Variants in MYT1L observed in about 807,000 individuals in gnomAD.
The protein encoded by MYT1L is myelin transcription factor 1-like protein.
Under a neutral mutation model 126.7 loss-of-function variants are expected in MYT1L, and 12 were observed. The ratio of observed to expected loss-of-function variants is 0.09; its 90% CI spans 0.06 to 0.15. The LOEUF is 0.15. MYT1L is among the 10% of genes least tolerant of loss of function. The pLI is 1.00. For synonymous variants in MYT1L, 541 were observed against 604.2 expected (o/e 0.90, Z 1.53); for missense variants, 979 against 1,585.2 (o/e 0.62, Z 6.49).
rs947204563 is a variant in MYT1L, at chr2:2,013,862, G to A, written c.-157-16515C>T. ...CACATGCTGCTGCACGGAGGCCTGC[G>A]TCCGCACCCGGGCAGTTTGGTTTAA... On this transcript the variant is annotated intron_variant, in intron 4 of 24. Coordinates refer to ENST00000647738, the MANE Select transcript of MYT1L (RefSeq NM_001303052.2). Among the ~76,000 whole-genome samples, 5 of 152,344 alleles carry A rather than the reference G, an allele frequency of 3.3e-5. No homozygotes were observed. The South Asian group carries it at 6.2e-4, about 19-fold the overall frequency.
At position 1,889,961 on chromosome 2, in the gene MYT1L, C is replaced by T. The variant is rs558321845; in HGVS notation, c.2284-484G>A. ...ACACACATATATCAGCTTAAAAATTCTCTTTTTTATTGATGCTAATAGTTC... is the reference window on the plus strand; with the variant it reads ...ACACACATATATCAGCTTAAAAATTTTCTTTTTTATTGATGCTAATAGTTC... On this transcript the variant is annotated intron_variant, in intron 15 of 24. Coordinates refer to ENST00000647738, the MANE Select transcript of MYT1L (RefSeq NM_001303052.2). This position sits in a 1 kb window ranked among gnomAD's most constrained non-coding sequence, Gnocchi z 4.1. 1.3e-5 allele frequency among the ~76,000 whole-genome samples: 2 copies of T among 151,966 alleles called. No individual in the cohort carries two copies. The highest frequency in any genetic ancestry group is 1.9e-4 in the East Asian group (1 of 5,188).
chr2:1,923,473 CTTG>C (rs1249046887), intron 9 of MYT1L, among the ~76,000 whole-genome samples: 1 of 152,180 alleles, frequency 6.6e-6, no homozygotes, highest in African/African-American at 2.4e-5. Flanking sequence ...ATTTAAAATA[CTTG>C]TTGTGAATTA....
intron 16 of MYT1L, among the ~76,000 whole-genome samples, chr2:1,888,023 C>G (rs1012305467): frequency 1.3e-5 from 2 of 152,210 alleles, no homozygotes; most frequent in African/African-American, 4.8e-5. Flanking sequence ...AGCTTTCCCC[C>G]ACCATTGGTC....
intron 1 of MYT1L, among the ~76,000 whole-genome samples, chr2:2,328,205 T>G (rs1269878662): frequency 1.3e-5 from 2 of 152,208 alleles, no homozygotes; most frequent in African/African-American, 4.8e-5. Context: ...AATCACTTAT[T>G]TCTTTTCCCT....
At chr2:2,267,411 G>A (rs1323350355) in intron 2 of MYT1L, among the ~76,000 whole-genome samples, 4 of 152,172 alleles carry the variant, frequency 2.6e-5, no homozygotes, top group African/African-American at 9.7e-5. Context: ...CCCACATGAA[G>A]GCGTCAAAGT....
intron 1 of MYT1L, among the ~76,000 whole-genome samples, chr2:2,297,165 T>C (rs376372025): frequency 1.3e-5 from 2 of 152,206 alleles, no homozygotes; most frequent in East Asian, 3.9e-4. Context: ...CGACATAGAA[T>C]GCACACAACC....
chr2:1,873,700 G>A (rs1429703640), intron 18 of MYT1L, among the ~76,000 whole-genome samples: 2 of 152,236 alleles, frequency 1.3e-5, no homozygotes, highest in African/African-American at 4.8e-5. Context: ...GGAGCGCTCA[G>A]AGAGCTCTGA....
chr2:2,227,554 C>T (rs1324477979), intron 2 of MYT1L, among the ~76,000 whole-genome samples: 3 of 152,198 alleles, frequency 2.0e-5, no homozygotes, highest in Admixed American at 6.5e-5. Context: ...GCTCGTCACA[C>T]CCAGCCCTGC....
At chr2:2,263,764 C>A (rs892181288) in intron 2 of MYT1L, among the ~76,000 whole-genome samples, 2 of 152,118 alleles carry the variant, frequency 1.3e-5, no homozygotes, top group African/African-American at 4.8e-5. Context: ...CATCTGGGAG[C>A]TGCTAGTTGG....
chr2:1,858,061 G>C (rs1299202622), intron 18 of MYT1L, among the ~76,000 whole-genome samples: 1 of 152,090 alleles, frequency 6.6e-6, no homozygotes, highest in Admixed American at 6.6e-5. Context: ...CAGGGGTTTC[G>C]CCATGTGGGC....
At chr2:1,883,190 A>C (rs1573197179) in intron 18 of MYT1L, among the ~76,000 whole-genome samples, 2 of 152,206 alleles carry the variant, frequency 1.3e-5, no homozygotes, top group African/African-American at 2.4e-5. Flanking sequence ...ATGGATAATA[A>C]GGAGGAATCT....
chr2:2,245,007 C>G (rs1302795619), intron 2 of MYT1L, among the ~76,000 whole-genome samples: 15 of 152,282 alleles, frequency 9.9e-5, no homozygotes, highest in Non-Finnish European at 4.4e-5. Flanking sequence ...ATGAAGCATA[C>G]TCAACAGGAA....
At chr2:2,266,053 G>A (rs955540017) in intron 2 of MYT1L, among the ~76,000 whole-genome samples, 3 of 152,212 alleles carry the variant, frequency 2.0e-5, no homozygotes, top group East Asian at 3.9e-4. Context: ...ATGCAGCACA[G>A]CCCTTCACAG....
chr2:2,110,624 C>G (rs1312478983), intron 3 of MYT1L, among the ~76,000 whole-genome samples: 1 of 150,780 alleles, frequency 6.6e-6, no homozygotes, highest in Admixed American at 6.6e-5. Flanking sequence ...TCTCCCTCTC[C>G]CTCCCCTCAT....
In MYT1L at chr2:1,921,608, G is replaced by A. The variant is rs555511565; in HGVS notation, c.1483+678C>T. 1.7e-3 allele frequency among the ~76,000 whole-genome samples: 259 copies of A among 152,228 alleles called. 1 individual carries two copies. The highest frequency in any genetic ancestry group is 1.6e-3 in the Non-Finnish European group (107 of 68,020). The stretch of plus-strand genomic sequence containing the variant: ...AAAGCGCCATAACTGTTTCCACAAT[G>A]GAATGGAATCAGTTAAAAGGAATGA... On this transcript the variant is annotated intron_variant, in intron 10 of 24. Coordinates refer to ENST00000647738, the MANE Select transcript of MYT1L (RefSeq NM_001303052.2).
At chr2:2,245,348 G>C (rs377203903) in intron 2 of MYT1L, among the ~76,000 whole-genome samples, 33 of 151,760 alleles carry the variant, frequency 2.2e-4, no homozygotes, top group Admixed American at 1.4e-3. Context: ...AGACCATCCC[G>C]AGCTCTAGCC....
chr2:2,321,404 A>G (rs1412452058), intron 1 of MYT1L, among the ~76,000 whole-genome samples: 1 of 152,108 alleles, frequency 6.6e-6, no homozygotes, highest in Non-Finnish European at 1.5e-5. Context: ...GCATTGTTTC[A>G]TGGCGACAAT....
chr2:2,020,280 C>G (rs1350927945), intron 4 of MYT1L, among the ~76,000 whole-genome samples: 2 of 152,204 alleles, frequency 1.3e-5, no homozygotes, highest in Non-Finnish European at 2.9e-5. Context: ...TCACCAAACA[C>G]TCAATACTGT....
chr2:2,092,792 G>A (rs984467048), intron 3 of MYT1L, among the ~76,000 whole-genome samples: 2 of 152,138 alleles, frequency 1.3e-5, no homozygotes, highest in African/African-American at 2.4e-5. Context: ...CACTGCACTT[G>A]GGGGCTGTTG....
Sources: allele counts gnomAD v4.1 joint callset (sites outside exome capture counted in the v4.1 genomes callset), GRCh38; gene constraint gnomAD v4.1.1; non-coding constraint Gnocchi (gnomAD v3.1); transcripts MANE v1.5; gene names NCBI Gene and HGNC (gene_info 2026-07-23, HGNC 2026-07-21).